Variants in CTNNA2 observed in about 807,000 individuals in gnomAD.
CTNNA2 encodes catenin alpha-2.
Under a neutral mutation model 101.0 loss-of-function variants are expected in CTNNA2, and 42 were observed. The ratio of observed to expected loss-of-function variants is 0.42; its 90% CI spans 0.32 to 0.54. The LOEUF is 0.54. Among genes scored for constraint, CTNNA2 ranks in the 20% least tolerant of loss-of-function variants. The pLI is 0.14. For missense variants in CTNNA2, 871 were observed against 1,223.1 expected, an observed-to-expected ratio of 0.71 and a Z score of 4.29; for synonymous variants, 450 against 456.4, an observed-to-expected ratio of 0.99 and a Z score of 0.18.
chr2:79,249,298 A>G (rs755804897), intron 2 of CTNNA2, among the ~76,000 whole-genome samples: 2 of 152,206 alleles, frequency 1.3e-5, no homozygotes, highest in South Asian at 4.1e-4. Context: ...ATCAGTCGCT[A>G]TCATCTCTAC....
intron 6 of CTNNA2, 53 bp downstream of exon 6, chr2:79,874,395 A>C: frequency 6.4e-7 from 1 of 1,570,656 alleles, no homozygotes. Context: ...TTGACAAAAA[A>C]AAAAAATGTA....
intron 9 of CTNNA2, among the ~76,000 whole-genome samples, chr2:80,505,046 T>A (rs1688159389): frequency 6.6e-6 from 1 of 152,166 alleles, no homozygotes; most frequent in Non-Finnish European, 1.5e-5. Flanking sequence ...TGGCATGCCT[T>A]ACGGAGGCTA....
At chr2:79,460,134 T>A (rs1670864041) in intron 4 of CTNNA2, among the ~76,000 whole-genome samples, 1 of 152,174 alleles carries the variant, frequency 6.6e-6, no homozygotes, top group Non-Finnish European at 1.5e-5. Flanking sequence ...AGACCATATA[T>A]CTAGCATCTT....
intron 7 of CTNNA2, among the ~76,000 whole-genome samples, chr2:80,201,705 T>C (rs1573376114): frequency 6.6e-6 from 1 of 152,146 alleles, no homozygotes; most frequent in Non-Finnish European, 1.5e-5. Flanking sequence ...CATGGTAAAG[T>C]GTTCAGCAAA....
chr2:79,349,260 G>A (rs1227773641), intron 3 of CTNNA2, among the ~76,000 whole-genome samples: 5 of 152,154 alleles, frequency 3.3e-5, no homozygotes, highest in East Asian at 1.9e-4. Flanking sequence ...TCAATCAAGC[G>A]TGCTATTCTT....
chr2:80,538,347 T>A (rs985534381), intron 9 of CTNNA2, among the ~76,000 whole-genome samples: 3 of 152,236 alleles, frequency 2.0e-5, no homozygotes, highest in Non-Finnish European at 2.9e-5. Flanking sequence ...CTAGGGTTTT[T>A]ATGGTTTTGG....
rs1163265637 is a variant in CTNNA2, at chr2:80,305,259, CCAAACCCA to C, written c.1057-87950_1057-87943del. ...TTGAGGTGGAGAGGGGAAATGCTTT[CCAAACCCA>C]CCTAGTTTGGGAAGCCATCCAAGTC... On this transcript the variant is annotated intron_variant, in intron 7 of 18. Coordinates refer to ENST00000402739, the MANE Select transcript of CTNNA2 (RefSeq NM_001282597.3). 4 of 985,128 alleles carry C rather than the reference CCAAACCCA, an allele frequency of 4.1e-6. No individual in the cohort carries two copies. The African/African-American group carries it at 7.0e-5, about 17-fold the overall frequency. 61.0% of individuals were successfully genotyped at this position (985,128 alleles called of 1,614,324 possible). A position where few individuals can be genotyped will look rare whatever the true frequency, so the allele number is the denominator to read the frequency against.
chr2:80,371,105 C>A (rs1431467208), intron 7 of CTNNA2, among the ~76,000 whole-genome samples: 1 of 152,144 alleles, frequency 6.6e-6, no homozygotes, highest in African/African-American at 2.4e-5. Flanking sequence ...AGGAAGGGTA[C>A]TTCTCAAATG....
At position 80,240,052 on chromosome 2, in the gene CTNNA2, G is replaced by A. The variant is rs78998508; in HGVS notation, c.1057-153159G>A. On this transcript the variant is annotated intron_variant, in intron 7 of 18. Coordinates refer to ENST00000402739, the MANE Select transcript of CTNNA2 (RefSeq NM_001282597.3). Reference sequence around the variant, plus strand: ...GTTGCCCACAGTTAGCTGAAACTCTGGAAAGTGAAAGCGTGCATAAGTGGG... The same window carrying A: ...GTTGCCCACAGTTAGCTGAAACTCTAGAAAGTGAAAGCGTGCATAAGTGGG... Among the ~76,000 whole-genome samples the A allele has an allele frequency of 3.2e-3, 493 of 152,308 alleles. 5 individuals carry two copies. The highest frequency in any genetic ancestry group is 0.011 in the African/African-American group (469 of 41,572).
At chr2:79,956,043 A>G (rs545659481) in intron 7 of CTNNA2, among the ~76,000 whole-genome samples, 22 of 152,364 alleles carry the variant, frequency 1.4e-4, no homozygotes, top group African/African-American at 5.1e-4. Flanking sequence ...AAACTGCTGC[A>G]TAGATTTAGG....
chr2:79,628,367 C>T (rs534349824), intron 1 of CTNNA2, among the ~76,000 whole-genome samples: 13 of 151,818 alleles, frequency 8.6e-5, no homozygotes, highest in African/African-American at 2.4e-4. Context: ...GCAGGAGAAT[C>T]GCCTGAACCT....
intron 4 of CTNNA2, among the ~76,000 whole-genome samples, chr2:79,393,808 T>C (rs1395872384): frequency 2.0e-5 from 3 of 152,034 alleles, no homozygotes; most frequent in African/African-American, 7.2e-5. Context: ...AGAAATAGGT[T>C]TGAATGGCCC....
Position 80,524,319 on chromosome 2 carries a change from C to G in CTNNA2, c.1291-20663C>G, listed in dbSNP as rs554147909. 2.6e-5 allele frequency among the ~76,000 whole-genome samples: 4 copies of G among 152,248 alleles called. No homozygotes were observed. In the East Asian group the frequency reaches 5.8e-4, roughly 22 times the overall value. ...TCCTCCACATTCCTTGTTCTCTTAC[C>G]TTGAATATATAATAGTGGGTGTACG... On this transcript the variant is annotated intron_variant, in intron 9 of 18. Coordinates refer to ENST00000402739, the MANE Select transcript of CTNNA2 (RefSeq NM_001282597.3).
chr2:80,109,437 G>A (rs1031389736), intron 7 of CTNNA2, among the ~76,000 whole-genome samples: 8 of 151,972 alleles, frequency 5.3e-5, no homozygotes, highest in Non-Finnish European at 1.0e-4. Context: ...CTCCAGCCTG[G>A]GTGACAGAGT....
chr2:80,194,516 A>T (rs1706714839), intron 7 of CTNNA2, among the ~76,000 whole-genome samples: 1 of 151,512 alleles, frequency 6.6e-6, no homozygotes, highest in African/African-American at 2.4e-5. Flanking sequence ...ACACTAAGGT[A>T]TGCAGGTGTG....
upstream of CTNNA2, chr2:79,512,875 G>C (rs1039854540): frequency 2.2e-4 from 33 of 151,454 alleles, no homozygotes; most frequent in African/African-American, 8.0e-4. Context: ...GCGGAGCCAC[G>C]GGGACCGCGG....
chr2:79,892,666 G>C (rs572324251), intron 6 of CTNNA2, among the ~76,000 whole-genome samples: 2 of 152,298 alleles, frequency 1.3e-5, no homozygotes, highest in Admixed American at 1.3e-4. Context: ...GACAGACAGA[G>C]ATCTGCATAA....
At chr2:79,977,386 T>G (rs1022439686) in intron 7 of CTNNA2, among the ~76,000 whole-genome samples, 8 of 152,130 alleles carry the variant, frequency 5.3e-5, no homozygotes, top group Non-Finnish European at 1.0e-4. Flanking sequence ...ATGGTGCTAC[T>G]GGCATGTATG....
intron 7 of CTNNA2, among the ~76,000 whole-genome samples, chr2:80,340,513 G>A (rs1191330485): frequency 6.6e-6 from 1 of 152,096 alleles, no homozygotes; most frequent in African/African-American, 2.4e-5. Context: ...GAAGAATTGA[G>A]TCTCTTCCCA....
Sources: allele counts gnomAD v4.1 joint callset (sites outside exome capture counted in the v4.1 genomes callset), GRCh38; gene constraint gnomAD v4.1.1; transcripts MANE v1.5; gene names NCBI Gene and HGNC (gene_info 2026-07-23, HGNC 2026-07-21).